FHIT: variants seen among roughly 807,000 people sequenced by gnomAD.
FHIT encodes the protein bis(5'-adenosyl)-triphosphatase.
In FHIT, 19 loss-of-function variants were observed where a neutral mutation model predicts 17.9. That is an observed-to-expected ratio of 1.06 (90% CI 0.74 to 1.56). The LOEUF (loss-of-function observed/expected upper bound fraction) is 1.56, where lower values mean the gene tolerates loss of function less well. FHIT is among the 40% of genes most tolerant of loss of function. FHIT has a pLI of 0.00. For missense variants in FHIT, 248 were observed against 189.2 expected (o/e 1.31, Z -1.82); for synonymous variants, 81 against 69.7 (o/e 1.16, Z -0.81).
intron 5 of FHIT, among the ~76,000 whole-genome samples, chr3:60,444,257 T>C (rs2107344009): frequency 6.6e-6 from 1 of 152,322 alleles, no homozygotes; most frequent in East Asian, 1.9e-4. Flanking sequence ...GAATGTAAAC[T>C]ACTTCAACCA....
chr3:59,912,667 C>T (rs555137146), intron 8 of FHIT, among the ~76,000 whole-genome samples: 1 of 152,266 alleles, frequency 6.6e-6, no homozygotes, highest in African/African-American at 2.4e-5. Context: ...GAAGAGCTTA[C>T]TAGAAGAAAC....
intron 2 of FHIT, among the ~76,000 whole-genome samples, chr3:61,077,645 A>C (rs2035011948): frequency 6.6e-6 from 1 of 152,088 alleles, no homozygotes; most frequent in South Asian, 2.1e-4. Context: ...TCTAATTCCC[A>C]CCACTCAGCT....
At chr3:60,246,644 T>C (rs188064840) in intron 5 of FHIT, among the ~76,000 whole-genome samples, 2 of 152,266 alleles carry the variant, frequency 1.3e-5, no homozygotes, top group East Asian at 3.9e-4. Flanking sequence ...GGAGTGGAGC[T>C]TGAGTGGAGC....
chr3:60,219,040 T>C (rs1321597031), intron 5 of FHIT, among the ~76,000 whole-genome samples: 1 of 152,176 alleles, frequency 6.6e-6, no homozygotes, highest in Non-Finnish European at 1.5e-5. Flanking sequence ...TGAATTTTAC[T>C]ACCATTTTAA....
chr3:60,843,657 C>T (rs1422787570), intron 3 of FHIT, among the ~76,000 whole-genome samples: 13 of 145,974 alleles, frequency 8.9e-5, no homozygotes, highest in African/African-American at 3.3e-4. Flanking sequence ...ATATCACAGG[C>T]TGCTTCTCCA....
At chr3:60,915,161 T>G (rs943906825) in intron 3 of FHIT, among the ~76,000 whole-genome samples, 3 of 152,186 alleles carry the variant, frequency 2.0e-5, no homozygotes, top group African/African-American at 7.2e-5. Context: ...CCATGTCTTT[T>G]TTTTCTTCTT....
intron 2 of FHIT, among the ~76,000 whole-genome samples, chr3:61,186,662 C>A (rs1374755718): frequency 1.3e-5 from 2 of 152,198 alleles, no homozygotes; most frequent in Admixed American, 1.3e-4. Context: ...CACTTCCTGG[C>A]CTAAGGCTTC....
chr3:60,193,775 T>C (rs1397981286), intron 5 of FHIT, among the ~76,000 whole-genome samples: 2 of 152,126 alleles, frequency 1.3e-5, no homozygotes, highest in South Asian at 4.1e-4. Flanking sequence ...CAGTGTGATA[T>C]GTCCAATGTC....
At chr3:60,733,543 C>T (rs747545078) in intron 4 of FHIT, among the ~76,000 whole-genome samples, 55 of 152,124 alleles carry the variant, frequency 3.6e-4, no homozygotes, top group Non-Finnish European at 7.2e-4. Flanking sequence ...CACCACTACA[C>T]CCACCTCAAC....
chr3:61,045,609 G>C (rs965915122), intron 2 of FHIT, among the ~76,000 whole-genome samples: 1 of 152,092 alleles, frequency 6.6e-6, no homozygotes, highest in African/African-American at 2.4e-5. Context: ...GGATATCCAG[G>C]AATAGAACTC....
At chr3:60,027,247 AT>A (rs1700791539) in intron 5 of FHIT, among the ~76,000 whole-genome samples, 1 of 152,112 alleles carries the variant, frequency 6.6e-6, no homozygotes. Flanking sequence ...CTGAAAAAAA[AT>A]ATTTAAGCAT....
intron 5 of FHIT, among the ~76,000 whole-genome samples, chr3:60,196,587 C>T (rs2107482005): frequency 6.6e-6 from 1 of 152,196 alleles, no homozygotes; most frequent in South Asian, 2.1e-4. Flanking sequence ...ATTAATACCT[C>T]TTTGGGGGAT....
intron 8 of FHIT, among the ~76,000 whole-genome samples, chr3:59,790,545 T>A (rs1403089109): frequency 6.6e-6 from 1 of 152,006 alleles, no homozygotes; most frequent in Non-Finnish European, 1.5e-5. Context: ...TGTGTGTGTA[T>A]AAATCATCTG....
At chr3:60,922,800 C>T (rs1367109837) in intron 3 of FHIT, among the ~76,000 whole-genome samples, 3 of 152,164 alleles carry the variant, frequency 2.0e-5, no homozygotes, top group Non-Finnish European at 4.4e-5. Context: ...TCTACTACCA[C>T]TTCCAGAACC....
chr3:59,803,931 C>T (rs1267538199), intron 8 of FHIT, among the ~76,000 whole-genome samples: 1 of 152,144 alleles, frequency 6.6e-6, no homozygotes, highest in Non-Finnish European at 1.5e-5. Flanking sequence ...AAAGTAATAG[C>T]GATTTTCGCC....
intron 2 of FHIT, among the ~76,000 whole-genome samples, chr3:61,096,349 C>A (rs1347119546): frequency 6.6e-6 from 1 of 152,212 alleles, no homozygotes; most frequent in African/African-American, 2.4e-5. Flanking sequence ...ATTGTACCCT[C>A]ACAGAGGGAG....
At position 60,081,910 on chromosome 3, in the gene FHIT, AT is replaced by A. The variant is rs111658268; in HGVS notation, c.104-67759del. ...GTACAATAACCACAAACGTTAAGTG[AT>A]TTTTTTTTTTGTTCTACAAACTCGA... On this transcript the variant is annotated intron_variant, in intron 5 of 9. Transcript: ENST00000492590. Among the ~76,000 whole-genome samples the A allele has an allele frequency of 3.9e-3, 577 of 149,302 alleles. 1 individual carries two copies. Among genetic ancestry groups the A allele is most frequent in the African/African-American group, 5.4e-3 (222 of 40,890 alleles).
intron 5 of FHIT, among the ~76,000 whole-genome samples, chr3:60,294,098 T>G (rs780189821): frequency 2.6e-5 from 4 of 152,148 alleles, no homozygotes; most frequent in Non-Finnish European, 4.4e-5. Flanking sequence ...CACTGTGTCT[T>G]CAGGGGTCGA....
At chr3:60,173,366 G>A (rs914654959) in intron 5 of FHIT, among the ~76,000 whole-genome samples, 3 of 152,130 alleles carry the variant, frequency 2.0e-5, no homozygotes, top group Admixed American at 2.0e-4. Flanking sequence ...GCAGTTTTCT[G>A]AGTCAGCCAC....
Sources: gnomAD v4.1 joint callset for allele counts (sites outside exome capture counted in the v4.1 genomes callset) on GRCh38, gnomAD v4.1.1 for gene constraint, MANE v1.5 for transcripts, NCBI Gene and HGNC (gene_info 2026-07-23, HGNC 2026-07-21) for gene names.